The following ANKRD62 variants were observed in gnomAD, a reference collection of about 807,000 sequenced individuals.
The protein encoded by ANKRD62 is ankyrin repeat domain 62, also known as ankyrin repeat domain-containing protein 62.
ANKRD62 carries 61 observed loss-of-function variants against 98.8 expected under a neutral mutation model. The observed-to-expected ratio is 0.62, with a 90% confidence interval of 0.50 to 0.76. The LOEUF is 0.76. ANKRD62 is among the 30% of genes least tolerant of loss of function. ANKRD62 has a pLI of 0.00. For synonymous variants in ANKRD62, 341 were observed against 367.9 expected, an observed-to-expected ratio of 0.93 and a Z score of 0.84; for missense variants, 933 against 1,082.9, an observed-to-expected ratio of 0.86 and a Z score of 1.94.
the ANKRD62 span, among the ~76,000 whole-genome samples, chr18:12,172,356 C>CT: frequency 6.6e-6 from 1 of 152,208 alleles, no homozygotes; most frequent in East Asian, 1.9e-4. Context: ...GGTTTTCCTT[C>CT]TAACAGTCAG....
In ANKRD62 at chr18:12,095,431, T is replaced by C. The variant is rs1265515457; in HGVS notation, c.334-6T>C. On this transcript the variant is annotated splice_polypyrimidine_tract_variant and splice_region_variant and intron_variant, in intron 2 of 13. Transcript: ENST00000587848. ...TACAGTCTATTTCTTGGTCTAATAC[T>C]GACAGGCTGTACAATGTCAAGAAGA... 3 of 1,567,898 alleles carry C rather than the reference T, an allele frequency of 1.9e-6. No homozygotes were observed. The Admixed American group carries it at 5.5e-5, about 29-fold the overall frequency.
intron 12 of ANKRD62, among the ~76,000 whole-genome samples, chr18:12,124,762 C>A (rs1909853590): frequency 6.6e-6 from 1 of 152,100 alleles, no homozygotes; most frequent in Non-Finnish European, 1.5e-5. Context: ...ATATCTACCC[C>A]ATGGAAGTAA....
intron 6 of ANKRD62, chr18:12,102,399 C>G: frequency 1.8e-6 from 1 of 560,122 alleles, no homozygotes; most frequent in South Asian, 1.7e-5. Flanking sequence ...GGTGTGACCA[C>G]TGGGGTTCGC....
downstream of ANKRD62, among the ~76,000 whole-genome samples, chr18:12,131,553 A>G (rs1026491559): frequency 7.2e-5 from 11 of 152,118 alleles, no homozygotes; most frequent in African/African-American, 2.2e-4. Context: ...TTCCATCTCT[A>G]TGGAACTGTC....
At chr18:12,175,497 G>T in the ANKRD62 span, among the ~76,000 whole-genome samples, 1 of 152,092 alleles carries the variant, frequency 6.6e-6, no homozygotes, top group Middle Eastern at 3.4e-3. Context: ...AAGCGATGTG[G>T]GGAGTTGCTG....
intron 1 of ANKRD62, 73 bp from the exon 2 acceptor site, chr18:12,095,098 A>G: frequency 1.9e-6 from 2 of 1,059,832 alleles, no homozygotes. Context: ...TTGGATGTTT[A>G]CAATTGCATG....
the ANKRD62 span, among the ~76,000 whole-genome samples, chr18:12,146,144 G>A: frequency 1.1e-4 from 16 of 151,346 alleles, no homozygotes; most frequent in Admixed American, 2.0e-4. Flanking sequence ...CAGCACGGCT[G>A]TTCTATGAAA....
chr18:12,119,505 C>G (rs1234831693), intron 10 of ANKRD62, among the ~76,000 whole-genome samples: 4 of 152,074 alleles, frequency 2.6e-5, no homozygotes, highest in African/African-American at 9.7e-5. Context: ...CTTCCTGGAT[C>G]ATAGATGTGT....
chr18:12,100,692 G>A (rs1007841116), intron 6 of ANKRD62, among the ~76,000 whole-genome samples: 85 of 152,208 alleles, frequency 5.6e-4, no homozygotes, highest in African/African-American at 1.9e-3. Context: ...AGCACAGGCC[G>A]TGTTACATAT....
the ANKRD62 span, among the ~76,000 whole-genome samples, chr18:12,181,606 C>G: frequency 1.3e-5 from 2 of 152,156 alleles, no homozygotes; most frequent in Admixed American, 1.3e-4. Flanking sequence ...GTAGCCATCA[C>G]CATGATCTAA....
chr18:12,156,983 C>A, the ANKRD62 span, among the ~76,000 whole-genome samples: 4 of 152,166 alleles, frequency 2.6e-5, no homozygotes, highest in African/African-American at 9.6e-5. Context: ...TTTTAAGAGA[C>A]AGCATCTCAC....
intron 10 of ANKRD62, among the ~76,000 whole-genome samples, chr18:12,118,297 T>G (rs1301188743): frequency 1.3e-5 from 2 of 152,154 alleles, no homozygotes; most frequent in Non-Finnish European, 2.9e-5. Context: ...AGTCATATAG[T>G]TGGAATCATA....
intron 10 of ANKRD62, among the ~76,000 whole-genome samples, chr18:12,118,608 TAAAAAA>T (rs34897974): frequency 2.8e-5 from 4 of 141,088 alleles, no homozygotes; most frequent in Non-Finnish European, 4.6e-5. Context: ...GGCTCTGTCT[TAAAAAA>T]AAAAAAAAAA....
chr18:12,178,409 G>A, the ANKRD62 span, among the ~76,000 whole-genome samples: 2 of 144,132 alleles, frequency 1.4e-5, no homozygotes, highest in African/African-American at 2.7e-5. Context: ...TAAGATCAAC[G>A]GGAAACCATT....
the ANKRD62 span, among the ~76,000 whole-genome samples, chr18:12,164,255 A>T: frequency 5.1e-3 from 775 of 151,992 alleles, 4 homozygotes; most frequent in African/African-American, 0.017. Flanking sequence ...GAATTTATCC[A>T]CTTCCCCTAC....
At chr18:12,167,470 CT>C in the ANKRD62 span, among the ~76,000 whole-genome samples, 1 of 151,984 alleles carries the variant, frequency 6.6e-6, no homozygotes, top group Admixed American at 6.6e-5. Context: ...TGAACTCATC[CT>C]TTTTTATGGC....
chr18:12,119,346 C>CT (rs56255574), intron 10 of ANKRD62, among the ~76,000 whole-genome samples: 18,464 of 132,382 alleles, frequency 0.14, 1,428 homozygotes, highest in East Asian at 0.23. Flanking sequence ...TGATCTTCTT[C>CT]TTTTTTTTTT....
At chr18:12,119,960 G>A (rs1358427146) in intron 10 of ANKRD62, among the ~76,000 whole-genome samples, 1 of 151,902 alleles carries the variant, frequency 6.6e-6, no homozygotes, top group African/African-American at 2.4e-5. Flanking sequence ...GGGTTATTTA[G>A]ATGTGTGTTT....
chr18:12,179,482 G>A, the ANKRD62 span, among the ~76,000 whole-genome samples: 1 of 144,566 alleles, frequency 6.9e-6, no homozygotes, highest in African/African-American at 2.6e-5. Context: ...GTGACAGAGG[G>A]GTAGGACAAA....
Sources: allele counts gnomAD v4.1 joint callset (sites outside exome capture counted in the v4.1 genomes callset), GRCh38; gene constraint gnomAD v4.1.1; transcripts MANE v1.5; gene names NCBI Gene and HGNC (gene_info 2026-07-23, HGNC 2026-07-21).